Variants in ULK4 observed in about 807,000 individuals in gnomAD.
The protein encoded by ULK4 is inactive serine/threonine-protein kinase ULK4.
ULK4 carries 133 observed loss-of-function variants against 160.6 expected under a neutral mutation model. The observed-to-expected ratio is 0.83, with a 90% CI of 0.72 to 0.96. The LOEUF (loss-of-function observed/expected upper bound fraction) is 0.96, where lower values mean the gene tolerates loss of function less well. ULK4 is among the 40% of genes least tolerant of loss of function. The pLI is 0.00. For missense variants in ULK4, 1,580 were observed against 1,499.5 expected (o/e 1.05, Z -0.89); for synonymous variants, 534 against 539.8 (o/e 0.99, Z 0.15).
chr3:41,483,866 G>C (rs4973952), intron 32 of ULK4, among the ~76,000 whole-genome samples: 63,524 of 151,970 alleles, frequency 0.42, 13,494 homozygotes, highest in African/African-American at 0.46. Context: ...TATGACAGAA[G>C]CAAGAAGTTG....
intron 35 of ULK4, among the ~76,000 whole-genome samples, chr3:41,384,925 C>G (rs923069504): frequency 3.3e-5 from 5 of 152,166 alleles, no homozygotes; most frequent in Admixed American, 3.3e-4. Flanking sequence ...CATGCTGGTG[C>G]ATGCCTGTAG....
intron 33 of ULK4, among the ~76,000 whole-genome samples, chr3:41,461,962 G>C (rs2083695611): frequency 6.6e-6 from 1 of 152,172 alleles, no homozygotes; most frequent in Non-Finnish European, 1.5e-5. Context: ...AATTATTTAA[G>C]TACGTAACAA....
At chr3:41,865,312 T>C (rs2042593011) in intron 17 of ULK4, among the ~76,000 whole-genome samples, 1 of 134,964 alleles carries the variant, frequency 7.4e-6, no homozygotes, top group African/African-American at 2.8e-5. Flanking sequence ...AAAAGCCTTA[T>C]CTAGATGTAG....
intron 34 of ULK4, among the ~76,000 whole-genome samples, chr3:41,401,113 T>C (rs998247456): frequency 3.0e-4 from 44 of 146,456 alleles, no homozygotes; most frequent in African/African-American, 1.1e-3. Context: ...ACTGAGTCTT[T>C]TGAAGAGAAA....
intron 19 of ULK4, among the ~76,000 whole-genome samples, chr3:41,813,440 T>C (rs2125622712): frequency 6.6e-6 from 1 of 152,318 alleles, no homozygotes; most frequent in South Asian, 2.1e-4. Context: ...TAAGAGGAAA[T>C]TTAATTTTTA....
intron 32 of ULK4, among the ~76,000 whole-genome samples, chr3:41,546,296 T>TTGACCCCAAAATG (rs1559383016): frequency 6.6e-6 from 1 of 152,180 alleles, no homozygotes; most frequent in Non-Finnish European, 1.5e-5. Context: ...TTAGTTTTAT[T>TTGACCCCAAAATG]CTGTTAGGAC....
intron 35 of ULK4, among the ~76,000 whole-genome samples, chr3:41,301,706 A>C (rs1005576945): frequency 1.3e-5 from 2 of 152,164 alleles, no homozygotes; most frequent in Non-Finnish European, 2.9e-5. Flanking sequence ...AAAACCATAA[A>C]ATCAAAAGGC....
chr3:41,859,330 T>C (rs1471416057), intron 17 of ULK4: 4 of 594,310 alleles, frequency 6.7e-6, no homozygotes, highest in South Asian at 4.2e-5. Context: ...GACTGAGCAC[T>C]GTAGAGCACA....
At chr3:41,640,532 G>C (rs1020254353) in intron 30 of ULK4, among the ~76,000 whole-genome samples, 3 of 152,142 alleles carry the variant, frequency 2.0e-5, no homozygotes, top group African/African-American at 7.2e-5. Flanking sequence ...GGTGACCAGA[G>C]ACCTGTGGGC....
At chr3:41,399,756 C>A (rs2082140653) in intron 34 of ULK4, among the ~76,000 whole-genome samples, 1 of 152,026 alleles carries the variant, frequency 6.6e-6, no homozygotes. Context: ...CGGGGGTGCA[C>A]TGTCACACCT....
intron 17 of ULK4, among the ~76,000 whole-genome samples, chr3:41,853,920 A>G (rs148667702): frequency 8.6e-5 from 13 of 151,976 alleles, no homozygotes; most frequent in African/African-American, 3.1e-4. Flanking sequence ...CATGCATGTG[A>G]CCCCCCTTCA....
At chr3:41,589,672 G>A (rs1021590031) in intron 31 of ULK4, among the ~76,000 whole-genome samples, 1 of 151,978 alleles carries the variant, frequency 6.6e-6, no homozygotes, top group Non-Finnish European at 1.5e-5. Flanking sequence ...AAGCTTTAAA[G>A]CAAACCCCTA....
intron 21 of ULK4, among the ~76,000 whole-genome samples, chr3:41,785,986 CT>C (rs2039986520): frequency 6.6e-6 from 1 of 152,118 alleles, no homozygotes; most frequent in Non-Finnish European, 1.5e-5. Flanking sequence ...ACATTCCAAG[CT>C]CTTTCTTATC....
chr3:41,780,459 C>T (rs115496032), intron 21 of ULK4, among the ~76,000 whole-genome samples: 2,963 of 151,990 alleles, frequency 0.019, 44 homozygotes, highest in Middle Eastern at 0.031. Context: ...TTAGAGTCAA[C>T]GAAGCACACA....
chr3:41,608,795 A>G (rs529719937), intron 31 of ULK4, among the ~76,000 whole-genome samples: 3 of 152,310 alleles, frequency 2.0e-5, no homozygotes, highest in African/African-American at 7.2e-5. Flanking sequence ...CCTTTTGTGA[A>G]TTCATCACAC....
At chr3:41,363,171 A>AG (rs2081182306) in intron 35 of ULK4, among the ~76,000 whole-genome samples, 1 of 152,228 alleles carries the variant, frequency 6.6e-6, no homozygotes, top group East Asian at 1.9e-4. Context: ...ACAAGGCATA[A>AG]GGAGCTCCCC....
At chr3:41,848,053 C>G (rs1386391337) in intron 17 of ULK4, among the ~76,000 whole-genome samples, 1 of 152,188 alleles carries the variant, frequency 6.6e-6, no homozygotes, top group African/African-American at 2.4e-5. Flanking sequence ...AACATTATCT[C>G]TAATTCTCTG....
intron 17 of ULK4, among the ~76,000 whole-genome samples, chr3:41,862,859 G>C (rs534597014): frequency 6.6e-6 from 1 of 150,602 alleles, no homozygotes; most frequent in Non-Finnish European, 1.5e-5. Flanking sequence ...GGGGTGGAGT[G>C]ACACAAGCAC....
At chr3:41,531,313 C>G (rs1013039764) in intron 32 of ULK4, among the ~76,000 whole-genome samples, 5 of 150,206 alleles carry the variant, frequency 3.3e-5, no homozygotes, top group African/African-American at 1.2e-4. Context: ...TGGTGGTGGG[C>G]GCCAGTAGTC....
Sources: gnomAD v4.1 joint callset for allele counts (sites outside exome capture counted in the v4.1 genomes callset) on GRCh38, gnomAD v4.1.1 for gene constraint, MANE v1.5 for transcripts, NCBI Gene and HGNC (gene_info 2026-07-23, HGNC 2026-07-21) for gene names.